The following ANK3 variants were observed in gnomAD, a reference collection of about 807,000 sequenced individuals.
ANK3 encodes the protein ankyrin 3.
In ANK3, 57 loss-of-function variants were observed where a neutral mutation model predicts 370.9. That is an observed-to-expected ratio of 0.15 (90% CI 0.12 to 0.19). The LOEUF (loss-of-function observed/expected upper bound fraction) is 0.19, where lower values mean the gene tolerates loss of function less well. ANK3 is among the 10% of genes least tolerant of loss of function. The probability of loss-of-function intolerance (pLI) is 1.00; values close to 1 mark genes in which losing one functional copy is unlikely to be tolerated. For missense variants in ANK3, 4,439 were observed against 5,302.1 expected (o/e 0.84, Z 5.06); for synonymous variants, 1,929 against 1,946.3 (o/e 0.99, Z 0.23).
At chr10:60,313,162 T>C (rs2046701174) in intron 1 of ANK3, among the ~76,000 whole-genome samples, 2 of 152,156 alleles carry the variant, frequency 1.3e-5, no homozygotes, top group Non-Finnish European at 1.5e-5. Context: ...AGTCTGGAAA[T>C]GGCGCTTACT....
chr10:60,205,659 A>G, intron 11 of ANK3, 133 bp downstream of exon 11: 2 of 647,356 alleles, frequency 3.1e-6, no homozygotes, highest in South Asian at 4.0e-5. Context: ...CTCTTCCTAA[A>G]GAGTTCAGAA....
intron 43 of ANK3, among the ~76,000 whole-genome samples, chr10:60,037,275 G>C (rs1203161445): frequency 6.6e-6 from 1 of 152,078 alleles, no homozygotes; most frequent in African/African-American, 2.4e-5. Flanking sequence ...AGGGAAAAAA[G>C]ACCAAGTTAG....
intron 2 of ANK3, among the ~76,000 whole-genome samples, chr10:60,537,965 A>G (rs1010286094): frequency 1.1e-4 from 16 of 151,970 alleles, no homozygotes; most frequent in African/African-American, 3.9e-4. Flanking sequence ...GAATACATTT[A>G]AAATGTATTA....
chr10:60,587,632 T>C (rs771894628), intron 2 of ANK3, among the ~76,000 whole-genome samples: 1 of 151,998 alleles, frequency 6.6e-6, no homozygotes, highest in Non-Finnish European at 1.5e-5. Flanking sequence ...AAAACAGTAA[T>C]AGATAGAATG....
intron 1 of ANK3, among the ~76,000 whole-genome samples, chr10:60,318,288 C>A (rs2047900480): frequency 6.6e-6 from 1 of 152,188 alleles, no homozygotes; most frequent in Non-Finnish European, 1.5e-5. Flanking sequence ...ATCTACTCAA[C>A]ACCCAGCTTT....
chr10:60,256,725 T>A (rs1436829466), intron 7 of ANK3, among the ~76,000 whole-genome samples: 1 of 152,200 alleles, frequency 6.6e-6, no homozygotes, highest in Non-Finnish European at 1.5e-5. Flanking sequence ...ACGTAGTACT[T>A]GGTTTCCTGT....
intron 2 of ANK3, among the ~76,000 whole-genome samples, chr10:60,481,531 C>T (rs1378785651): frequency 6.6e-6 from 1 of 152,112 alleles, no homozygotes; most frequent in Non-Finnish European, 1.5e-5. Context: ...GATGCAATCT[C>T]GGCTCACTGT....
intron 2 of ANK3, among the ~76,000 whole-genome samples, chr10:60,410,600 G>A (rs2132927977): frequency 6.6e-6 from 1 of 152,270 alleles, no homozygotes; most frequent in Admixed American, 6.5e-5. Context: ...ATGTGTCTGA[G>A]GATGAAAGGG....
At chr10:60,428,960 G>T (rs978038321) in intron 2 of ANK3, among the ~76,000 whole-genome samples, 2 of 152,246 alleles carry the variant, frequency 1.3e-5, no homozygotes, top group South Asian at 2.1e-4. Context: ...AATAAGGGCT[G>T]CTTATTTTAA....
intron 1 of ANK3, among the ~76,000 whole-genome samples, chr10:60,652,815 T>C (rs986767019): frequency 6.6e-6 from 1 of 150,982 alleles, no homozygotes; most frequent in Non-Finnish European, 1.5e-5. Context: ...ACGAAACCAA[T>C]ATCAAAAACT....
intron 42 of ANK3, among the ~76,000 whole-genome samples, chr10:60,050,410 T>C (rs1251700368): frequency 1.3e-5 from 2 of 152,204 alleles, no homozygotes; most frequent in Non-Finnish European, 2.9e-5. Context: ...AGTTTCTTCA[T>C]GAAAAGTGAA....
intron 1 of ANK3, among the ~76,000 whole-genome samples, chr10:60,288,204 G>T (rs1258070691): frequency 6.6e-6 from 1 of 152,062 alleles, no homozygotes; most frequent in Non-Finnish European, 1.5e-5. Context: ...CCGACCAACA[G>T]ACGCACCTAC....
intron 2 of ANK3, among the ~76,000 whole-genome samples, chr10:60,459,000 G>A (rs1460624014): frequency 6.6e-6 from 1 of 152,112 alleles, no homozygotes; most frequent in Non-Finnish European, 1.5e-5. Flanking sequence ...ATATGGGAGA[G>A]TTTTTTAATA....
At chr10:60,722,456 T>G (rs996822119) in intron 1 of ANK3, among the ~76,000 whole-genome samples, 2 of 151,340 alleles carry the variant, frequency 1.3e-5, no homozygotes, top group African/African-American at 2.4e-5. Context: ...AATAAAAAAA[T>G]TAAAAATTAA....
intron 1 of ANK3, among the ~76,000 whole-genome samples, chr10:60,695,320 C>T (rs1369911919): frequency 6.6e-6 from 1 of 152,042 alleles, no homozygotes; most frequent in Non-Finnish European, 1.5e-5. Flanking sequence ...TAACACCCCA[C>T]TGTCAACATT....
chr10:60,488,678 G>T (rs986296866), intron 2 of ANK3, among the ~76,000 whole-genome samples: 2 of 152,068 alleles, frequency 1.3e-5, no homozygotes, highest in African/African-American at 2.4e-5. Flanking sequence ...TGATATATTG[G>T]CCTCTTGTGT....
At chr10:60,223,381 T>G (rs923726193) in intron 8 of ANK3, among the ~76,000 whole-genome samples, 1 of 152,240 alleles carries the variant, frequency 6.6e-6, no homozygotes, top group African/African-American at 2.4e-5. Flanking sequence ...TAAAATTCCT[T>G]TGTAGTAGCC....
intron 1 of ANK3, among the ~76,000 whole-genome samples, chr10:60,327,793 C>T (rs368590344): frequency 5.3e-5 from 8 of 152,178 alleles, no homozygotes; most frequent in Non-Finnish European, 8.8e-5. Context: ...TTAAAAAATG[C>T]CAGTTCTCTA....
At chr10:60,208,415 T>G (rs1375819358) in intron 9 of ANK3, among the ~76,000 whole-genome samples, 182 bp from the exon 10 acceptor site, 2 of 152,256 alleles carry the variant, frequency 1.3e-5, no homozygotes, top group African/African-American at 4.8e-5. Context: ...TCCTCCCAAC[T>G]GCTTATGCCA....
Sources: gnomAD v4.1 joint callset for allele counts (sites outside exome capture counted in the v4.1 genomes callset) on GRCh38, gnomAD v4.1.1 for gene constraint, MANE v1.5 for transcripts, NCBI Gene and HGNC (gene_info 2026-07-23, HGNC 2026-07-21) for gene names.